TACR3: variants seen among roughly 807,000 people sequenced by gnomAD.
TACR3 encodes tachykinin receptor 3, also known as neuromedin-K receptor.
Under a neutral mutation model 35.0 loss-of-function variants are expected in TACR3, and 34 were observed. The observed-to-expected ratio is 0.97, with a 90% CI of 0.74 to 1.30. TACR3 has a LOEUF of 1.30. Among genes scored for constraint, TACR3 ranks in the 50% most tolerant of loss-of-function variants. The pLI is 0.00. For missense variants in TACR3, 558 were observed against 591.7 expected, an observed-to-expected ratio of 0.94 and a Z score of 0.59; for synonymous variants, 233 against 221.1, an observed-to-expected ratio of 1.05 and a Z score of -0.48.
chr4:103,665,269 A>ATATATGACTATGACTATTCATATATG (rs1183967449), intron 1 of TACR3, among the ~76,000 whole-genome samples: 11 of 151,982 alleles, frequency 7.2e-5, no homozygotes, highest in Non-Finnish European at 1.3e-4. Flanking sequence ...TCATATATGT[A>ATATATGACTATGACTATTCATATATG]TATATGACTA....
intron 3 of TACR3, among the ~76,000 whole-genome samples, chr4:103,608,414 A>G (rs759707749): frequency 6.6e-6 from 1 of 152,078 alleles, no homozygotes; most frequent in Non-Finnish European, 1.5e-5. Flanking sequence ...TAGAGGCAGG[A>G]GAAAGGGGAG....
intron 3 of TACR3, among the ~76,000 whole-genome samples, chr4:103,625,092 G>A (rs1235697815): frequency 6.6e-6 from 1 of 152,118 alleles, no homozygotes; most frequent in Admixed American, 6.5e-5. Flanking sequence ...TTTATGCCGT[G>A]AGAGACAAAT....
intron 3 of TACR3, among the ~76,000 whole-genome samples, chr4:103,629,868 A>AAAAAAAAAC (rs1560814059): frequency 9.1e-6 from 1 of 109,710 alleles, no homozygotes; most frequent in African/African-American, 3.4e-5. Context: ...AAACAAAAAA[A>AAAAAAAAAC]AAACAAAAAA....
At chr4:103,713,002 T>C (rs1404028435) in intron 1 of TACR3, among the ~76,000 whole-genome samples, 1 of 152,070 alleles carries the variant, frequency 6.6e-6, no homozygotes, top group African/African-American at 2.4e-5. Flanking sequence ...TGTAGAGAAA[T>C]AGGAACACTT....
chr4:103,615,705 AAT>A (rs1269523110), intron 3 of TACR3, among the ~76,000 whole-genome samples: 1 of 152,168 alleles, frequency 6.6e-6, no homozygotes, highest in Non-Finnish European at 1.5e-5. Context: ...AACTTAATAA[AAT>A]ATGTTTCACA....
At chr4:103,703,488 T>C (rs904408498) in intron 1 of TACR3, among the ~76,000 whole-genome samples, 1 of 152,176 alleles carries the variant, frequency 6.6e-6, no homozygotes, top group Non-Finnish European at 1.5e-5. Flanking sequence ...TCATGGCACA[T>C]ATAAAACTAT....
At chr4:103,600,000 C>T (rs1724154507) in intron 3 of TACR3, among the ~76,000 whole-genome samples, 1 of 152,066 alleles carries the variant, frequency 6.6e-6, no homozygotes, top group Admixed American at 6.6e-5. Flanking sequence ...CCCTCTTTTT[C>T]TATTGATTGG....
chr4:103,590,221 G>C (rs1578215327), intron 4 of TACR3, among the ~76,000 whole-genome samples: 1 of 152,198 alleles, frequency 6.6e-6, no homozygotes, highest in East Asian at 1.9e-4. Flanking sequence ...TCCCAGCAAT[G>C]AAAAGCATCT....
At chr4:103,679,397 T>C (rs901539541) in intron 1 of TACR3, among the ~76,000 whole-genome samples, 10 of 152,160 alleles carry the variant, frequency 6.6e-5, no homozygotes, top group South Asian at 6.2e-4. Flanking sequence ...TGTTAGGTGG[T>C]GAAAGTATTC....
chr4:103,628,934 A>C (rs183737814), intron 3 of TACR3, among the ~76,000 whole-genome samples: 104 of 152,318 alleles, frequency 6.8e-4, no homozygotes, highest in Middle Eastern at 6.8e-3. Context: ...CAAAAAGCTT[A>C]ACCACCACAA....
chr4:103,592,280 T>G (rs1723913588), intron 3 of TACR3, among the ~76,000 whole-genome samples: 1 of 152,210 alleles, frequency 6.6e-6, no homozygotes, highest in African/African-American at 2.4e-5. Flanking sequence ...TTCACGTTAG[T>G]GTGAGGAAAA....
intron 1 of TACR3, among the ~76,000 whole-genome samples, chr4:103,699,428 A>C (rs1722597235): frequency 6.6e-6 from 1 of 152,184 alleles, no homozygotes; most frequent in Non-Finnish European, 1.5e-5. Context: ...CTTGTAAGTC[A>C]GTGTAAGGAC....
chr4:103,651,299 C>G (rs959129067), intron 3 of TACR3, among the ~76,000 whole-genome samples: 1 of 149,458 alleles, frequency 6.7e-6, no homozygotes, highest in African/African-American at 2.5e-5. Flanking sequence ...GGCATTCAAA[C>G]CACAAGAATC....
At chr4:103,598,549 A>G (rs1724101085) in intron 3 of TACR3, among the ~76,000 whole-genome samples, 1 of 152,084 alleles carries the variant, frequency 6.6e-6, no homozygotes, top group Non-Finnish European at 1.5e-5. Context: ...ACTGAATGGT[A>G]TTGCCTATGT....
intron 1 of TACR3, among the ~76,000 whole-genome samples, chr4:103,712,719 T>C (rs567227210): frequency 6.6e-6 from 1 of 152,232 alleles, no homozygotes; most frequent in East Asian, 1.9e-4. Context: ...TTTTGCAATC[T>C]ACTCATCTGA....
At chr4:103,622,006 TAGA>T (rs1284087304) in intron 3 of TACR3, among the ~76,000 whole-genome samples, 7 of 152,114 alleles carry the variant, frequency 4.6e-5, no homozygotes, top group Admixed American at 6.6e-5. Flanking sequence ...AAGTGGTTGT[TAGA>T]AGAAGAAAAG....
chr4:103,620,341 A>G (rs536775433), intron 3 of TACR3, among the ~76,000 whole-genome samples: 9 of 152,350 alleles, frequency 5.9e-5, no homozygotes, highest in African/African-American at 1.9e-4. Context: ...TATGGAAATC[A>G]GTCCAGAGAT....
chr4:103,607,317 G>A (rs1273918444), intron 3 of TACR3, among the ~76,000 whole-genome samples: 1 of 151,982 alleles, frequency 6.6e-6, no homozygotes, highest in Admixed American at 6.6e-5. Context: ...AATTTTGAAG[G>A]TATCTTTTGA....
chr4:103,614,390 A>T (rs888601047), intron 3 of TACR3, among the ~76,000 whole-genome samples: 2 of 152,024 alleles, frequency 1.3e-5, no homozygotes, highest in African/African-American at 4.8e-5. Flanking sequence ...TTGATATTCT[A>T]AGGTCTAGGT....
Sources: gnomAD v4.1 joint callset for allele counts (sites outside exome capture counted in the v4.1 genomes callset) on GRCh38, gnomAD v4.1.1 for gene constraint, MANE v1.5 for transcripts, NCBI Gene and HGNC (gene_info 2026-07-23, HGNC 2026-07-21) for gene names.